UBE3D: variants seen among roughly 807,000 people sequenced by gnomAD.
UBE3D encodes the protein ubiquitin protein ligase E3D.
Under a neutral mutation model 49.6 loss-of-function variants are expected in UBE3D, and 48 were observed. The observed-to-expected ratio is 0.97, with a 90% CI of 0.77 to 1.23. UBE3D has a LOEUF of 1.23. Among genes scored for constraint, UBE3D ranks in the 50% most tolerant of loss-of-function variants. UBE3D has a pLI of 0.00. For synonymous variants in UBE3D, 189 were observed against 174.2 expected, an observed-to-expected ratio of 1.08 and a Z score of -0.67; for missense variants, 452 against 468.4, an observed-to-expected ratio of 0.96 and a Z score of 0.32.
At chr6:83,011,230 A>G (rs900536986) in intron 8 of UBE3D, among the ~76,000 whole-genome samples, 1 of 152,250 alleles carries the variant, frequency 6.6e-6, no homozygotes, top group Non-Finnish European at 1.5e-5. Flanking sequence ...GTACAAGTGT[A>G]TACATGCACA....
intron 8 of UBE3D, among the ~76,000 whole-genome samples, chr6:83,006,565 C>T (rs1014609374): frequency 6.6e-6 from 1 of 152,180 alleles, no homozygotes; most frequent in Non-Finnish European, 1.5e-5. Context: ...GCCAGGAAGA[C>T]AGCCCTCACG....
At chr6:82,891,191 T>C (rs533933664), downstream of UBE3D, among the ~76,000 whole-genome samples, 40 of 152,214 alleles carry the variant, frequency 2.6e-4, no homozygotes, top group Non-Finnish European at 5.3e-4. Context: ...TCCATAGCAG[T>C]GGTTCTCAGC....
intron 9 of UBE3D, among the ~76,000 whole-genome samples, chr6:82,906,479 G>A (rs7760177): frequency 0.22 from 33,739 of 152,052 alleles, 5,082 homozygotes; most frequent in African/African-American, 0.43. Context: ...TCCTTTTGAC[G>A]TGATCCTAGT....
chr6:82,896,961 G>A (rs1053345591), intron 9 of UBE3D, among the ~76,000 whole-genome samples: 6 of 151,668 alleles, frequency 4.0e-5, no homozygotes, highest in Non-Finnish European at 7.4e-5. Flanking sequence ...GGCTGGTCTC[G>A]AACTCCTGAC....
At chr6:83,044,303 T>A in intron 4 of UBE3D, 125 bp downstream of exon 4, 1 of 867,842 alleles carries the variant, frequency 1.2e-6, no homozygotes, top group Non-Finnish European at 1.8e-6. Context: ...GCGATGACAG[T>A]TGAAAATAAT....
the UBE3D span, among the ~76,000 whole-genome samples, chr6:82,883,060 CATTAT>C: frequency 2.0e-5 from 3 of 152,260 alleles, no homozygotes; most frequent in East Asian, 5.8e-4. Flanking sequence ...TAAACCTGGT[CATTAT>C]ATTCATCTAA....
At chr6:82,993,179 T>C (rs1195497559) in intron 8 of UBE3D, among the ~76,000 whole-genome samples, 1 of 151,960 alleles carries the variant, frequency 6.6e-6, no homozygotes, top group Non-Finnish European at 1.5e-5. Flanking sequence ...TATAATTCAT[T>C]ATTCAAGTGT....
chr6:83,016,316 T>A (rs760368802), intron 8 of UBE3D, among the ~76,000 whole-genome samples: 18 of 152,158 alleles, frequency 1.2e-4, no homozygotes, highest in Admixed American at 2.0e-4. Context: ...ATGTATAGAG[T>A]TACTAAACTC....
intron 8 of UBE3D, among the ~76,000 whole-genome samples, chr6:82,998,836 G>A (rs1371957747): frequency 1.3e-5 from 2 of 152,136 alleles, no homozygotes; most frequent in Admixed American, 1.3e-4. Flanking sequence ...TTTGCATGGG[G>A]ACAACCAAAC....
intron 7 of UBE3D, among the ~76,000 whole-genome samples, chr6:83,021,493 T>A: frequency 1.4e-5 from 2 of 145,906 alleles, no homozygotes; most frequent in Admixed American, 6.9e-5. Flanking sequence ...AACATAAGAG[T>A]ACTAAATAGG....
At chr6:82,971,961 T>G (rs1393142526) in intron 8 of UBE3D, among the ~76,000 whole-genome samples, 1 of 152,166 alleles carries the variant, frequency 6.6e-6, no homozygotes, top group East Asian at 1.9e-4. Flanking sequence ...TTCTCTTCAT[T>G]TTTCACTTCA....
the UBE3D span, among the ~76,000 whole-genome samples, chr6:82,881,680 C>T: frequency 6.6e-6 from 1 of 152,146 alleles, no homozygotes; most frequent in African/African-American, 2.4e-5. Flanking sequence ...AAAAGGCCCT[C>T]TTCTCTTTCT....
chr6:82,925,402 C>A (rs1241079324), intron 9 of UBE3D, among the ~76,000 whole-genome samples: 1 of 152,132 alleles, frequency 6.6e-6, no homozygotes, highest in Admixed American at 6.6e-5. Flanking sequence ...AGTCAAAAGC[C>A]AGAAAACCTG....
At chr6:82,924,369 T>C (rs1008537700) in intron 9 of UBE3D, among the ~76,000 whole-genome samples, 1 of 152,178 alleles carries the variant, frequency 6.6e-6, no homozygotes, top group Admixed American at 6.6e-5. Context: ...AGTTTTGATT[T>C]AGGAAATGAT....
intron 9 of UBE3D, among the ~76,000 whole-genome samples, chr6:82,952,625 T>C (rs909518849): frequency 4.6e-5 from 7 of 152,110 alleles, no homozygotes; most frequent in African/African-American, 1.7e-4. Context: ...TGTCTCATTA[T>C]GTTGCCCAGG....
chr6:82,928,745 C>A (rs1244566566), intron 9 of UBE3D, among the ~76,000 whole-genome samples: 5 of 152,078 alleles, frequency 3.3e-5, no homozygotes, highest in Non-Finnish European at 7.4e-5. Flanking sequence ...TCCATTCTGA[C>A]AAAATGCTGG....
chr6:82,981,559 C>T (rs1446632057), intron 8 of UBE3D, among the ~76,000 whole-genome samples: 4 of 151,130 alleles, frequency 2.6e-5, no homozygotes, highest in Non-Finnish European at 4.4e-5. Context: ...AAGCATTTTC[C>T]TAAAAAAAAA....
intron 5 of UBE3D, chr6:83,037,733 A>G (rs1210952403): frequency 6.6e-6 from 1 of 152,270 alleles, no homozygotes; most frequent in African/African-American, 2.4e-5. Flanking sequence ...TCTAGACACT[A>G]TAAACCATAT....
chr6:83,024,661 T>C (rs1290124349), intron 5 of UBE3D, among the ~76,000 whole-genome samples: 7 of 152,116 alleles, frequency 4.6e-5, no homozygotes, highest in Non-Finnish European at 7.4e-5. Context: ...CCCCATCCCC[T>C]ACTCTAATTG....
Sources: gnomAD v4.1 joint callset for allele counts (sites outside exome capture counted in the v4.1 genomes callset) on GRCh38, gnomAD v4.1.1 for gene constraint, MANE v1.5 for transcripts, NCBI Gene and HGNC (gene_info 2026-07-23, HGNC 2026-07-21) for gene names.